The following GUCY1A2 variants were observed in gnomAD, a reference collection of about 807,000 sequenced individuals.
The protein encoded by GUCY1A2 is guanylate cyclase 1 soluble subunit alpha 2, also known as guanylate cyclase soluble subunit alpha-2.
GUCY1A2 carries 27 observed loss-of-function variants against 63.5 expected under a neutral mutation model. That is an observed-to-expected ratio of 0.43 (90% CI 0.31 to 0.59). The LOEUF is 0.59. Among genes scored for constraint, GUCY1A2 ranks in the 20% least tolerant of loss-of-function variants. The probability of loss-of-function intolerance (pLI) is 0.11; values close to 1 mark genes in which losing one functional copy is unlikely to be tolerated. For synonymous variants in GUCY1A2, 364 were observed against 343.5 expected (o/e 1.06, Z -0.66); for missense variants, 768 against 913.3 (o/e 0.84, Z 2.05).
intron 3 of GUCY1A2, among the ~76,000 whole-genome samples, chr11:106,970,887 G>T (rs4362108): frequency 0.066 from 9,949 of 151,144 alleles, 845 homozygotes; most frequent in East Asian, 0.3. Flanking sequence ...TTTCAGGGGG[G>T]TGGGGGGAAA....
chr11:106,746,517 T>C, intron 6 of GUCY1A2: 1 of 1,154,572 alleles, frequency 8.7e-7, no homozygotes, highest in Non-Finnish European at 1.3e-6. Flanking sequence ...CTGTATCCTC[T>C]GTTTTCCTTC....
intron 3 of GUCY1A2, among the ~76,000 whole-genome samples, chr11:106,977,214 T>C (rs1183845739): frequency 6.6e-6 from 1 of 152,130 alleles, no homozygotes; most frequent in African/African-American, 2.4e-5. Context: ...ACCCCACCCC[T>C]TGAAATCACA....
chr11:106,838,687 A>G (rs1859150163), intron 4 of GUCY1A2, among the ~76,000 whole-genome samples: 1 of 151,914 alleles, frequency 6.6e-6, no homozygotes, highest in Admixed American at 6.6e-5. Flanking sequence ...CTGCTGTGAG[A>G]TCATATCTCA....
At chr11:106,698,968 C>T (rs1201098567) in intron 7 of GUCY1A2, among the ~76,000 whole-genome samples, 1 of 152,148 alleles carries the variant, frequency 6.6e-6, no homozygotes, top group African/African-American at 2.4e-5. Context: ...GAAACAAGCA[C>T]ATGTGAGTAT....
intron 6 of GUCY1A2, among the ~76,000 whole-genome samples, chr11:106,728,919 A>T (rs1270562947): frequency 6.6e-6 from 1 of 152,126 alleles, no homozygotes; most frequent in Non-Finnish European, 1.5e-5. Flanking sequence ...CAGTGTGACA[A>T]TGTCTTCATA....
intron 3 of GUCY1A2, among the ~76,000 whole-genome samples, chr11:106,948,409 T>TCAGCATAAA (rs1385705413): frequency 1.3e-5 from 2 of 152,118 alleles, no homozygotes; most frequent in African/African-American, 4.8e-5. Flanking sequence ...GCATAAATTA[T>TCAGCATAAA]TACATTCATA....
intron 6 of GUCY1A2, among the ~76,000 whole-genome samples, chr11:106,732,385 A>C (rs776187425): frequency 6.6e-6 from 1 of 152,132 alleles, no homozygotes; most frequent in Non-Finnish European, 1.5e-5. Context: ...GATTAAATAT[A>C]GTATATTTTT....
chr11:106,766,463 C>T (rs1864164733), intron 6 of GUCY1A2, among the ~76,000 whole-genome samples: 2 of 151,964 alleles, frequency 1.3e-5, no homozygotes, highest in South Asian at 2.1e-4. Context: ...TTTAAAGATA[C>T]ATAAAAATGT....
intron 3 of GUCY1A2, among the ~76,000 whole-genome samples, chr11:106,946,779 AT>A (rs1191740261): frequency 2.0e-5 from 3 of 152,308 alleles, no homozygotes; most frequent in African/African-American, 7.2e-5. Flanking sequence ...ATGTTCTAAA[AT>A]TGATTGTAGT....
chr11:107,013,223 C>G (rs1433091277), intron 1 of GUCY1A2, among the ~76,000 whole-genome samples: 1 of 152,088 alleles, frequency 6.6e-6, no homozygotes, highest in African/African-American at 2.4e-5. Flanking sequence ...ACATTCTGCT[C>G]TCTAAAGCTT....
intron 4 of GUCY1A2, among the ~76,000 whole-genome samples, chr11:106,913,225 T>C (rs1039598290): frequency 6.6e-6 from 1 of 152,124 alleles, no homozygotes; most frequent in African/African-American, 2.4e-5. Flanking sequence ...TGCACTGCTA[T>C]AAAGGAATGC....
At chr11:106,787,504 C>A (rs1303495976) in intron 5 of GUCY1A2, among the ~76,000 whole-genome samples, 4 of 31,190 alleles carry the variant, frequency 1.3e-4, no homozygotes, top group African/African-American at 2.6e-4. Context: ...ATAAAAGCAG[C>A]AAGAAAAAGG....
chr11:107,000,666 TATAA>T (rs1222562384), intron 1 of GUCY1A2, among the ~76,000 whole-genome samples: 3 of 152,158 alleles, frequency 2.0e-5, no homozygotes, highest in Non-Finnish European at 4.4e-5. Flanking sequence ...AATACATAGA[TATAA>T]ATAGATAAAT....
At chr11:106,850,154 A>G (rs2135449880) in intron 4 of GUCY1A2, among the ~76,000 whole-genome samples, 1 of 151,850 alleles carries the variant, frequency 6.6e-6, no homozygotes, top group Non-Finnish European at 1.5e-5. Flanking sequence ...TTTCCTTCTA[A>G]GAGATTTATT....
chr11:106,785,876 CTT>C (rs5794497), intron 5 of GUCY1A2, among the ~76,000 whole-genome samples: 23 of 147,940 alleles, frequency 1.6e-4, no homozygotes, highest in African/African-American at 3.0e-4. Flanking sequence ...CGATATCCAC[CTT>C]TTTTTTTTTT....
intron 2 of GUCY1A2, among the ~76,000 whole-genome samples, chr11:106,985,639 G>A (rs547755924): frequency 4.7e-4 from 71 of 152,294 alleles, no homozygotes; most frequent in South Asian, 1.7e-3. Context: ...TATGTAGCAC[G>A]TGACTCTAAG....
chr11:106,873,649 T>C lies in GUCY1A2; in HGVS notation c.1207-63171A>G, dbSNP rs559587609. The stretch of plus-strand genomic sequence containing the variant: ...TTTTCTTGTAAATTTGTTTAATTCC[T>C]TGTAAATTCTGGATATTAGACCTTT... On this transcript the variant is annotated intron_variant, in intron 4 of 7. Transcript: ENST00000526355. Among the ~76,000 whole-genome samples, 158 of 152,298 alleles carry C rather than the reference T, an allele frequency of 1.0e-3. 1 individual carries two copies. The highest frequency in any genetic ancestry group is 3.7e-3 in the African/African-American group (154 of 41,556).
At chr11:106,882,055 CT>C (rs1453513996) in intron 4 of GUCY1A2, among the ~76,000 whole-genome samples, 1 of 151,792 alleles carries the variant, frequency 6.6e-6, no homozygotes, top group African/African-American at 2.4e-5. Context: ...CTCTCATTCT[CT>C]TTCTTTTCTT....
At position 106,877,150 on chromosome 11, in the gene GUCY1A2, G is replaced by A. The variant is rs528357368; in HGVS notation, c.1206+62310C>T. On this transcript the variant is annotated intron_variant, in intron 4 of 7. Coordinates refer to ENST00000526355, the MANE Select transcript of GUCY1A2 (RefSeq NM_000855.3). The stretch of plus-strand genomic sequence containing the variant: ...TGACTACTGTTGTACAGAAATGCTA[G>A]TGATTTTTGAATGTTGATTTTGTAT... 2.9e-3 allele frequency among the ~76,000 whole-genome samples: 444 copies of A among 152,186 alleles called. 3 individuals are homozygous for A. Among genetic ancestry groups the A allele is most frequent in the Non-Finnish European group, 4.5e-3 (306 of 67,992 alleles).
Sources: gnomAD v4.1 joint callset for allele counts (sites outside exome capture counted in the v4.1 genomes callset) on GRCh38, gnomAD v4.1.1 for gene constraint, MANE v1.5 for transcripts, NCBI Gene and HGNC (gene_info 2026-07-23, HGNC 2026-07-21) for gene names.